The following DACH1 variants were observed in gnomAD, a reference collection of about 807,000 sequenced individuals.
DACH1 encodes dachshund homolog 1.
DACH1 carries 12 observed loss-of-function variants against 54.2 expected under a neutral mutation model. The ratio of observed to expected loss-of-function variants is 0.22; its 90% CI spans 0.14 to 0.36. The LOEUF (loss-of-function observed/expected upper bound fraction) is 0.36. DACH1 is among the 10% of genes least tolerant of loss of function. The pLI is 1.00. For synonymous variants in DACH1, 386 were observed against 366.2 expected (o/e 1.05, Z -0.62); for missense variants, 805 against 929.8 (o/e 0.87, Z 1.75).
chr13:71,825,126 TAAC>T (rs1888330024), intron 1 of DACH1, among the ~76,000 whole-genome samples: 1 of 152,062 alleles, frequency 6.6e-6, no homozygotes. Flanking sequence ...TCAAACGAAA[TAAC>T]AAAAAAGATG....
rs1252507120 is a variant in DACH1, at chr13:71,602,269, TA to T, written c.1126+28286del. ...TCTTAAAGTGTTTTCTAAGTAAATA[TA>T]AAATAAACTGCATAATTGCAAGTCA... On this transcript the variant is annotated intron_variant, in intron 3 of 10. Coordinates refer to ENST00000613252, the MANE Select transcript of DACH1 (RefSeq NM_080759.6). Among the ~76,000 whole-genome samples the T allele has an allele frequency of 2.0e-5, 3 of 152,164 alleles. No individual in the cohort carries two copies. The East Asian group carries it at 5.8e-4, about 29-fold the overall frequency.
chr13:71,795,980 C>A lies in DACH1; in HGVS notation c.848+69942G>T, dbSNP rs73215262. On this transcript the variant is annotated intron_variant, in intron 1 of 10. Coordinates refer to ENST00000613252, the MANE Select transcript of DACH1 (RefSeq NM_080759.6). The stretch of plus-strand genomic sequence containing the variant: ...ATATATCTAAGAGAGCGTTATGAGA[C>A]ATGAACATTCCAAGCAAGGCTGTAG... Among the ~76,000 whole-genome samples the A allele has an allele frequency of 5.1e-3, 780 of 152,260 alleles. 4 individuals are homozygous for A. Among genetic ancestry groups the A allele is most frequent in the Middle Eastern group, 0.037 (11 of 294 alleles).
At chr13:71,574,411 C>A (rs1885408056) in intron 3 of DACH1, among the ~76,000 whole-genome samples, 2 of 151,798 alleles carry the variant, frequency 1.3e-5, no homozygotes, top group African/African-American at 4.8e-5. Context: ...TTTTTTATTT[C>A]TTAAAAAAAG....
chr13:71,592,394 T>C (rs758982193), intron 3 of DACH1, among the ~76,000 whole-genome samples: 1 of 148,684 alleles, frequency 6.7e-6, no homozygotes, highest in African/African-American at 2.5e-5. Context: ...ACTTGAGGTA[T>C]TGAGGTGGGA....
intron 6 of DACH1, among the ~76,000 whole-genome samples, chr13:71,523,605 C>T (rs902233943): frequency 6.6e-6 from 1 of 152,034 alleles, no homozygotes. Context: ...GTCCTTGACA[C>T]CCTCTTCCAA....
intron 2 of DACH1, among the ~76,000 whole-genome samples, chr13:71,672,280 T>C (rs185122135): frequency 5.3e-5 from 8 of 152,268 alleles, no homozygotes; most frequent in Non-Finnish European, 1.2e-4. Context: ...TACGTTTAAA[T>C]CAGTTCTTAA....
intron 6 of DACH1, among the ~76,000 whole-genome samples, chr13:71,529,332 G>A (rs1383606548): frequency 2.6e-5 from 4 of 151,770 alleles, no homozygotes; most frequent in East Asian, 1.9e-4. Flanking sequence ...GACTGTGGGC[G>A]CTTGACACCA....
At chr13:71,798,064 T>C (rs2138114689) in intron 1 of DACH1, among the ~76,000 whole-genome samples, 1 of 151,942 alleles carries the variant, frequency 6.6e-6, no homozygotes, top group East Asian at 1.9e-4. Flanking sequence ...AGTAGAAATA[T>C]ATAAACACAG....
intron 3 of DACH1, among the ~76,000 whole-genome samples, chr13:71,627,316 G>GA (rs1165810127): frequency 4.0e-4 from 25 of 62,198 alleles, no homozygotes; most frequent in South Asian, 3.6e-3. Flanking sequence ...TACAATCAAG[G>GA]AAAAAAACAA....
chr13:71,745,633 C>T (rs1469389976), intron 1 of DACH1, among the ~76,000 whole-genome samples: 1 of 152,064 alleles, frequency 6.6e-6, no homozygotes, highest in Non-Finnish European at 1.5e-5. Context: ...AAACAGTCAC[C>T]AAACAAGAAC....
At chr13:71,687,383 G>C (rs1020908331) in intron 1 of DACH1, among the ~76,000 whole-genome samples, 2 of 151,886 alleles carry the variant, frequency 1.3e-5, no homozygotes, top group African/African-American at 4.8e-5. Flanking sequence ...TACTTTCTAA[G>C]TAACATGAAA....
intron 1 of DACH1, among the ~76,000 whole-genome samples, chr13:71,721,859 T>C (rs927417148): frequency 1.3e-5 from 2 of 152,156 alleles, no homozygotes; most frequent in African/African-American, 4.8e-5. Context: ...AGCATTTTAC[T>C]TCTTGAGTGG....
At chr13:71,773,023 A>G (rs1046106155) in intron 1 of DACH1, among the ~76,000 whole-genome samples, 1 of 151,814 alleles carries the variant, frequency 6.6e-6, no homozygotes, top group Admixed American at 6.6e-5. Context: ...TACATAGTAC[A>G]TATATCCTAG....
chr13:71,806,953 A>G (rs989247684), intron 1 of DACH1, among the ~76,000 whole-genome samples: 1 of 152,220 alleles, frequency 6.6e-6, no homozygotes, highest in Non-Finnish European at 1.5e-5. Context: ...TTACATTACA[A>G]TATAGGTAAT....
At chr13:71,499,157 A>G (rs2138228386) in intron 6 of DACH1, among the ~76,000 whole-genome samples, 1 of 150,142 alleles carries the variant, frequency 6.7e-6, no homozygotes, top group African/African-American at 2.4e-5. Flanking sequence ...ACACACACAC[A>G]CTGATTTAAC....
At chr13:71,561,975 G>T (rs1025056636) in intron 4 of DACH1, among the ~76,000 whole-genome samples, 10 of 150,710 alleles carry the variant, frequency 6.6e-5, no homozygotes, top group Admixed American at 6.6e-4. Context: ...AAAAAAAAGC[G>T]CTATAAGAAG....
chr13:71,737,479 A>T (rs998381306), intron 1 of DACH1, among the ~76,000 whole-genome samples: 1 of 152,224 alleles, frequency 6.6e-6, no homozygotes, highest in African/African-American at 2.4e-5. Context: ...GAAAAACAGC[A>T]GTAGTTTAGT....
chr13:71,597,312 T>C (rs1377494291), intron 3 of DACH1, among the ~76,000 whole-genome samples: 6 of 152,204 alleles, frequency 3.9e-5, no homozygotes, highest in African/African-American at 1.4e-4. Context: ...AACTTGGCCA[T>C]TGCACAATGT....
intron 1 of DACH1, among the ~76,000 whole-genome samples, chr13:71,703,853 G>A (rs1249387790): frequency 6.6e-6 from 1 of 152,172 alleles, no homozygotes. Flanking sequence ...TGTTAAGACA[G>A]ATATATTGAT....
Sources: gnomAD v4.1 joint callset for allele counts (sites outside exome capture counted in the v4.1 genomes callset) on GRCh38, gnomAD v4.1.1 for gene constraint, MANE v1.5 for transcripts, NCBI Gene and HGNC (gene_info 2026-07-23, HGNC 2026-07-21) for gene names.